Variants in PTPRM observed in about 807,000 individuals in gnomAD.
PTPRM encodes protein tyrosine phosphatase receptor type M, also known as receptor-type tyrosine-protein phosphatase mu.
Under a neutral mutation model 186.7 loss-of-function variants are expected in PTPRM, and 47 were observed. That is an observed-to-expected ratio of 0.25 (90% CI 0.20 to 0.32). PTPRM has a LOEUF of 0.32. Among genes scored for constraint, PTPRM ranks in the 10% least tolerant of loss-of-function variants. The pLI, the probability that PTPRM is intolerant of heterozygous loss-of-function variation, is 1.00. For missense variants in PTPRM, 1,494 were observed against 1,865.0 expected (o/e 0.80, Z 3.66); for synonymous variants, 668 against 674.9 (o/e 0.99, Z 0.16).
At chr18:7,689,422 T>C (rs1280590116) in intron 1 of PTPRM, among the ~76,000 whole-genome samples, 1 of 152,218 alleles carries the variant, frequency 6.6e-6, no homozygotes, top group Non-Finnish European at 1.5e-5. Context: ...CCATGTCTCT[T>C]TGAGGTGGCT....
intron 9 of PTPRM, among the ~76,000 whole-genome samples, chr18:8,085,357 G>T (rs1290853076): frequency 1.3e-5 from 2 of 151,662 alleles, no homozygotes; most frequent in African/African-American, 2.4e-5. Context: ...TTCTTATTTT[G>T]TTCTAAACCC....
At position 8,314,251 on chromosome 18, in the gene PTPRM, G is replaced by A. The variant is rs112073496; in HGVS notation, c.2843-530G>A. Among the ~76,000 whole-genome samples the A allele has an allele frequency of 1.8e-3, 272 of 152,230 alleles. 1 individual carries two copies. Among genetic ancestry groups the A allele is most frequent in the African/African-American group, 5.7e-3 (238 of 41,544 alleles). On this transcript the variant is annotated intron_variant, in intron 20 of 32. Coordinates refer to ENST00000580170, the MANE Select transcript of PTPRM (RefSeq NM_001105244.2). Reference sequence around the variant, plus strand: ...GCTTGGTGCCTTTATTTCCTGGCCTGTGGTCACATGATGGATGGTGACAGC... The same window carrying A: ...GCTTGGTGCCTTTATTTCCTGGCCTATGGTCACATGATGGATGGTGACAGC...
At chr18:8,114,863 G>T (rs2091896084) in intron 13 of PTPRM, 36 bp downstream of exon 13, 1 of 1,576,116 alleles carries the variant, frequency 6.3e-7, no homozygotes. Context: ...CCTAATTAAT[G>T]TTCCTTAAAA....
At chr18:7,701,702 A>G (rs957240742) in intron 1 of PTPRM, among the ~76,000 whole-genome samples, 1 of 152,106 alleles carries the variant, frequency 6.6e-6, no homozygotes, top group African/African-American at 2.4e-5. Context: ...TGGACTTCCT[A>G]CAGACTATTT....
intron 19 of PTPRM, among the ~76,000 whole-genome samples, chr18:8,273,190 GT>G (rs879731445): frequency 6.6e-6 from 1 of 152,044 alleles, no homozygotes; most frequent in Non-Finnish European, 1.5e-5. Context: ...GTTTATTGTG[GT>G]TCATGATAGA....
intron 2 of PTPRM, among the ~76,000 whole-genome samples, chr18:7,822,555 C>A (rs2045255357): frequency 6.6e-6 from 1 of 152,202 alleles, no homozygotes; most frequent in East Asian, 1.9e-4. Flanking sequence ...AGTTTCATTG[C>A]TCAGGCTCTT....
chr18:7,822,774 C>T (rs1050084822), intron 2 of PTPRM, among the ~76,000 whole-genome samples: 2 of 152,300 alleles, frequency 1.3e-5, no homozygotes, highest in East Asian at 3.9e-4. Context: ...GTCCCTGTCA[C>T]CTGAAATGCT....
chr18:8,199,025 A>T (rs1169588014), intron 14 of PTPRM, among the ~76,000 whole-genome samples: 2 of 152,048 alleles, frequency 1.3e-5, no homozygotes, highest in Non-Finnish European at 2.9e-5. Flanking sequence ...CAGCTTCAGG[A>T]TAAGGAGAGA....
intron 31 of PTPRM, among the ~76,000 whole-genome samples, chr18:8,392,749 G>A (rs1239920803): frequency 6.6e-6 from 1 of 152,128 alleles, no homozygotes; most frequent in Non-Finnish European, 1.5e-5. Context: ...AAACAGGCTG[G>A]GGACTTGTCA....
intron 14 of PTPRM, among the ~76,000 whole-genome samples, chr18:8,176,638 A>G (rs1485921829): frequency 1.3e-5 from 2 of 152,228 alleles, no homozygotes; most frequent in Non-Finnish European, 2.9e-5. Context: ...ATGTATTTTG[A>G]TCGTCCACAT....
chr18:8,343,158 C>T (rs1034831495), intron 22 of PTPRM, among the ~76,000 whole-genome samples: 8 of 152,160 alleles, frequency 5.3e-5, no homozygotes, highest in Admixed American at 2.0e-4. Flanking sequence ...CTTTCTTTCA[C>T]GGTAGTAGTT....
intron 2 of PTPRM, among the ~76,000 whole-genome samples, chr18:7,857,781 A>G (rs72893382): frequency 0.019 from 2,860 of 152,316 alleles, 33 homozygotes; most frequent in Non-Finnish European, 0.031. Context: ...ACATCAGTAG[A>G]GGACTAGAAC....
chr18:8,099,215 T>C (rs1354637838), intron 11 of PTPRM, among the ~76,000 whole-genome samples: 2 of 151,822 alleles, frequency 1.3e-5, no homozygotes, highest in African/African-American at 4.8e-5. Flanking sequence ...GGCCCAGATG[T>C]CACCTCCTTG....
chr18:7,952,912 T>A (rs921997392), intron 6 of PTPRM, among the ~76,000 whole-genome samples: 2 of 151,934 alleles, frequency 1.3e-5, no homozygotes, highest in African/African-American at 2.4e-5. Context: ...AGGCTGGGGC[T>A]GGAGAATCAC....
At chr18:7,978,837 T>G (rs1046228230) in intron 7 of PTPRM, among the ~76,000 whole-genome samples, 2 of 152,072 alleles carry the variant, frequency 1.3e-5, no homozygotes, top group Non-Finnish European at 2.9e-5. Flanking sequence ...TTCTTTCATA[T>G]AAATTCCAAT....
chr18:8,103,999 T>C (rs1036290677), intron 11 of PTPRM, among the ~76,000 whole-genome samples: 2 of 152,202 alleles, frequency 1.3e-5, no homozygotes, highest in Non-Finnish European at 2.9e-5. Flanking sequence ...GATGGCTGTC[T>C]TATATGGACA....
rs557406014 is a variant in PTPRM at position 8,066,913 on chromosome 18, G to A, written c.1133-2773G>A. Among the ~76,000 whole-genome samples, 3 of 152,306 alleles carry A rather than the reference G, an allele frequency of 2.0e-5. No individual in the cohort carries two copies. The East Asian group carries it at 5.8e-4, about 29-fold the overall frequency. On this transcript the variant is annotated intron_variant, in intron 7 of 32. Coordinates refer to ENST00000580170, the MANE Select transcript of PTPRM (RefSeq NM_001105244.2). ...TTTTACCATGATGGAATTCTAAAAG[G>A]TGCTCACAGAGAAAGGGAGCATGCA...
chr18:7,607,702 A>T (rs1448201871), intron 1 of PTPRM, among the ~76,000 whole-genome samples: 3 of 152,204 alleles, frequency 2.0e-5, no homozygotes, highest in African/African-American at 7.2e-5. Flanking sequence ...CCTCTCTGTG[A>T]TACGTGCTAG....
chr18:8,244,211 TA>T lies in PTPRM; in HGVS notation c.2452+4del. On this transcript the variant is annotated splice_donor_region_variant and intron_variant, in intron 15 of 32. Transcript: ENST00000580170. Reference sequence around the variant, plus strand: ...ACACGCACAATCTGAATGGGAGATGTAAGTGCATATGTTTCTTGGCTTCTAA... The same window carrying T: ...ACACGCACAATCTGAATGGGAGATGTAGTGCATATGTTTCTTGGCTTCTAA... 6.4e-7 allele frequency: 1 copy of T among 1,554,624 alleles called. No homozygotes were observed. Among genetic ancestry groups the T allele is most frequent in the Non-Finnish European group, 8.6e-7 (1 of 1,157,618 alleles).
Sources: allele counts gnomAD v4.1 joint callset (sites outside exome capture counted in the v4.1 genomes callset), GRCh38; gene constraint gnomAD v4.1.1; transcripts MANE v1.5; gene names NCBI Gene and HGNC (gene_info 2026-07-23, HGNC 2026-07-21).